SETD4: variants seen among roughly 807,000 people sequenced by gnomAD.
The protein encoded by SETD4 is SET domain containing 4.
A neutral mutation model predicts 58.3 loss-of-function variants in SETD4; 46 were observed. The ratio of observed to expected loss-of-function variants is 0.79; its 90% CI spans 0.62 to 1.01. The LOEUF is 1.01. Ranked by LOEUF, SETD4 falls within the 50% of genes least tolerant of loss-of-function variation. SETD4 has a pLI of 0.00. For synonymous variants in SETD4, 190 were observed against 202.6 expected, an observed-to-expected ratio of 0.94 and a Z score of 0.53; for missense variants, 490 against 523.3, an observed-to-expected ratio of 0.94 and a Z score of 0.62.
chr21:36,058,991 T>G, intron 1 of SETD4, 67 bp from the exon 2 acceptor site: 1 of 1,441,856 alleles, frequency 6.9e-7, no homozygotes. Context: ...AAAAAACATT[T>G]CTTTGATTTA....
At chr21:36,042,695 G>C (rs2064121353) in intron 7 of SETD4, 1 of 152,110 alleles carries the variant, frequency 6.6e-6, no homozygotes, top group Non-Finnish European at 1.5e-5. Context: ...TCATGGCCTA[G>C]AAAACTGCTT....
At chr21:36,038,938 C>T (rs1002514932) in intron 9 of SETD4, among the ~76,000 whole-genome samples, 4 of 151,886 alleles carry the variant, frequency 2.6e-5, no homozygotes, top group Non-Finnish European at 5.9e-5. Flanking sequence ...AGAAGAACTA[C>T]CGGGAGAAAG....
chr21:36,048,101 G>C (rs560866728), intron 5 of SETD4, among the ~76,000 whole-genome samples: 2 of 135,200 alleles, frequency 1.5e-5, no homozygotes, highest in East Asian at 2.6e-4. Flanking sequence ...GGGAGGGAGG[G>C]AGGAAGGCAG....
intron 3 of SETD4, among the ~76,000 whole-genome samples, chr21:36,056,489 T>C (rs1042886206): frequency 3.3e-5 from 5 of 152,194 alleles, no homozygotes; most frequent in African/African-American, 1.2e-4. Context: ...AGTGGCCATG[T>C]ATGCAGGCAC....
chr21:36,038,021 A>G, intron 10 of SETD4, 129 bp downstream of exon 10: 1 of 1,108,602 alleles, frequency 9.0e-7, no homozygotes, highest in Non-Finnish European at 1.2e-6. Flanking sequence ...TAGAGATTAC[A>G]TCAACATTTA....
intron 1 of SETD4, chr21:36,060,013 G>A (rs2065212070): frequency 3.0e-6 from 3 of 985,636 alleles, no homozygotes; most frequent in South Asian, 9.4e-5. Flanking sequence ...CACCGTCCCC[G>A]CCCCCATAGT....
At chr21:36,036,713 G>A (rs1472071235) in intron 10 of SETD4, 1 of 794,692 alleles carries the variant, frequency 1.3e-6, no homozygotes, top group Non-Finnish European at 1.5e-6. Context: ...AAGAATGCTT[G>A]AAGTCACACA....
chr21:36,040,989 T>C (rs940495375), intron 8 of SETD4, among the ~76,000 whole-genome samples: 3 of 151,362 alleles, frequency 2.0e-5, no homozygotes, highest in South Asian at 2.1e-4. Flanking sequence ...TGAAACCCCA[T>C]CTCTACTAAA....
chr21:36,050,794 AGAAGT>A, intron 4 of SETD4: 1 of 1,611,978 alleles, frequency 6.2e-7, no homozygotes, highest in South Asian at 1.1e-5. Context: ...TACTTGTTCC[AGAAGT>A]ATGTTAAAGA....
chr21:36,050,875 G>A, intron 4 of SETD4: 1 of 1,611,100 alleles, frequency 6.2e-7, no homozygotes, highest in Non-Finnish European at 8.5e-7. Flanking sequence ...ATGTTACATT[G>A]TTCAACAGAT....
rs1485285671 is a variant in SETD4 at position 36,058,894 on chromosome 21, A to G, written c.-6T>C. ...CTCCCTTTTCCTTTCTGCATGCTAA[A>G]ACTGTAGTTTCTTTTTTCTGAAATA... On this transcript the variant is annotated 5_prime_UTR_variant, in exon 2 of 12. Coordinates refer to ENST00000332131, the MANE Select transcript of SETD4 (RefSeq NM_017438.5). 10 of 1,583,512 alleles carry G rather than the reference A, an allele frequency of 6.3e-6. No individual in the cohort carries two copies. The African/African-American group carries it at 1.4e-4, about 22-fold the overall frequency.
chr21:36,058,608 C>G (rs975322380), intron 2 of SETD4, among the ~76,000 whole-genome samples: 8 of 151,950 alleles, frequency 5.3e-5, no homozygotes, highest in Non-Finnish European at 1.2e-4. Flanking sequence ...GTCCCAGCTA[C>G]TTGGGAGGCT....
chr21:36,050,576 A>G (rs1310243422), intron 4 of SETD4: 2 of 1,613,944 alleles, frequency 1.2e-6, no homozygotes, highest in African/African-American at 1.3e-5. Context: ...GGACATTTCA[A>G]GAGTTGGCTG....
chr21:36,053,007 C>G (rs2064793543), intron 4 of SETD4: 1 of 152,958 alleles, frequency 6.5e-6, no homozygotes, highest in Non-Finnish European at 1.5e-5. Flanking sequence ...GCAGAGATTG[C>G]TAGTTGCCTA....
At chr21:36,048,917 A>G (rs2064492040) in intron 4 of SETD4, among the ~76,000 whole-genome samples, 1 of 152,072 alleles carries the variant, frequency 6.6e-6, no homozygotes, top group African/African-American at 2.4e-5. Flanking sequence ...ACAGGGTTTC[A>G]CCTATTTCTT....
chr21:36,045,629 C>A lies in SETD4; in HGVS notation c.679G>T (p.Ala227Ser), dbSNP rs1243497497. Residue 227 changes from alanine to serine, a missense_variant, in exon 6 of 12, where the codon GCA (alanine) becomes TCA (serine). Coordinates refer to ENST00000332131, the MANE Select transcript of SETD4 (RefSeq NM_017438.5). ...AGCAGGTCCAGGTACGGAGCGAGTG[C>A]ACAGGTGTCCGGCTCTGCAGAAAGG... ...ECLSAEPDTC[A>S]LAPYLDLLNH... 2.5e-6 allele frequency: 4 copies of A among 1,614,168 alleles called. No homozygotes were observed. The highest frequency in any genetic ancestry group is 3.4e-6 in the Non-Finnish European group (4 of 1,180,018).
intron 10 of SETD4, among the ~76,000 whole-genome samples, chr21:36,037,143 T>C (rs1006230403): frequency 3.3e-5 from 5 of 152,196 alleles, no homozygotes; most frequent in African/African-American, 1.2e-4. Flanking sequence ...CAATATATTA[T>C]GTACTTGAAA....
intron 10 of SETD4, chr21:36,036,699 G>A: frequency 3.4e-6 from 3 of 879,148 alleles, no homozygotes; most frequent in Non-Finnish European, 4.1e-6. Context: ...ACACATCAAT[G>A]AGAAAGAATG....
intron 3 of SETD4, among the ~76,000 whole-genome samples, chr21:36,056,611 T>C (rs1241235651): frequency 6.6e-6 from 1 of 152,170 alleles, no homozygotes; most frequent in African/African-American, 2.4e-5. Context: ...CAAGCTGGAG[T>C]GCAGGGGCAT....
Sources: allele counts gnomAD v4.1 joint callset (sites outside exome capture counted in the v4.1 genomes callset), GRCh38; gene constraint gnomAD v4.1.1; transcripts MANE v1.5; gene names NCBI Gene and HGNC (gene_info 2026-07-23, HGNC 2026-07-21).